RYR2: variants seen among roughly 807,000 people sequenced by gnomAD.
RYR2 encodes the protein cardiac muscle ryanodine receptor-calcium release channel.
Under a neutral mutation model 601.1 loss-of-function variants are expected in RYR2, and 227 were observed. The observed-to-expected ratio is 0.38, with a 90% confidence interval of 0.34 to 0.42. The LOEUF (loss-of-function observed/expected upper bound fraction) is 0.42, where lower values mean the gene tolerates loss of function less well. RYR2 is among the 10% of genes least tolerant of loss of function. The pLI is 1.00. For missense variants in RYR2, 4,646 were observed against 6,156.5 expected, an observed-to-expected ratio of 0.75 and a Z score of 8.21; for synonymous variants, 2,223 against 2,175.1, an observed-to-expected ratio of 1.02 and a Z score of -0.61.
intron 3 of RYR2, among the ~76,000 whole-genome samples, chr1:237,339,470 G>T (rs1000559204): frequency 6.6e-6 from 1 of 152,058 alleles, no homozygotes; most frequent in East Asian, 1.9e-4. Context: ...AAATAAAAAT[G>T]CCCTCTTCAT....
chr1:237,563,607 A>G (rs1479984613), intron 27 of RYR2, among the ~76,000 whole-genome samples: 1 of 152,134 alleles, frequency 6.6e-6, no homozygotes, highest in Admixed American at 6.6e-5. Context: ...ATTAGGACTC[A>G]GAAACTCTGC....
At chr1:237,143,316 A>G (rs375756835) in intron 1 of RYR2, among the ~76,000 whole-genome samples, 16 of 152,142 alleles carry the variant, frequency 1.1e-4, no homozygotes, top group African/African-American at 3.6e-4. Context: ...TCCCGCCTGT[A>G]TCTCTGATCT....
intron 17 of RYR2, among the ~76,000 whole-genome samples, chr1:237,480,346 G>T (rs1572518304): frequency 7.0e-6 from 1 of 143,074 alleles, no homozygotes; most frequent in East Asian, 2.1e-4. Context: ...TTAAGCCTGG[G>T]AGGCAGAGGC....
chr1:237,582,365 C>A (rs1233639085), intron 29 of RYR2, among the ~76,000 whole-genome samples: 1 of 151,536 alleles, frequency 6.6e-6, no homozygotes, highest in Non-Finnish European at 1.5e-5. Flanking sequence ...CCACCTTGGC[C>A]TCCCAAAATG....
chr1:237,322,469 C>T (rs923983320), intron 2 of RYR2, among the ~76,000 whole-genome samples: 1 of 152,096 alleles, frequency 6.6e-6, no homozygotes, highest in Non-Finnish European at 1.5e-5. Context: ...AGGTCATATT[C>T]CAGACAATTA....
chr1:237,281,073 C>G (rs1342271502), intron 2 of RYR2, among the ~76,000 whole-genome samples: 1 of 152,188 alleles, frequency 6.6e-6, no homozygotes, highest in East Asian at 1.9e-4. Flanking sequence ...GCATGAGCCA[C>G]CACGCCTGGC....
chr1:237,790,376 C>T (rs1364525812), intron 92 of RYR2, among the ~76,000 whole-genome samples: 2 of 152,028 alleles, frequency 1.3e-5, no homozygotes, highest in Non-Finnish European at 2.9e-5. Context: ...AAGTCCAATC[C>T]ACCACCATGA....
chr1:237,346,239 T>C (rs1231241197), intron 3 of RYR2, among the ~76,000 whole-genome samples: 1 of 151,852 alleles, frequency 6.6e-6, no homozygotes, highest in Non-Finnish European at 1.5e-5. Context: ...TGGTGCAACG[T>C]GCCTGTAGTC....
intron 38 of RYR2, among the ~76,000 whole-genome samples, chr1:237,618,631 G>C (rs1678746366): frequency 6.6e-6 from 1 of 152,146 alleles, no homozygotes; most frequent in African/African-American, 2.4e-5. Flanking sequence ...GATCAGGGAA[G>C]GGGCAGCTTA....
intron 35 of RYR2, among the ~76,000 whole-genome samples, chr1:237,608,804 T>TG (rs1367117893): frequency 4.6e-3 from 571 of 124,694 alleles, no homozygotes; most frequent in Non-Finnish European, 6.2e-3. Context: ...CTGTTTTTTT[T>TG]TTTTTTTTTT....
intron 91 of RYR2, among the ~76,000 whole-genome samples, chr1:237,787,597 CAAAAAAAAAAAA>C (rs778668137): frequency 6.6e-5 from 4 of 60,396 alleles, no homozygotes; most frequent in African/African-American, 1.8e-4. Flanking sequence ...GTCTCAAAAA[CAAAAAAAAAAAA>C]AAAAAAAAAG....
At chr1:237,075,319 G>T (rs1220302704) in intron 1 of RYR2, among the ~76,000 whole-genome samples, 5 of 151,336 alleles carry the variant, frequency 3.3e-5, no homozygotes, top group African/African-American at 1.2e-4. Flanking sequence ...CTCCCAGCGT[G>T]AGCGACGCAG....
intron 24 of RYR2, among the ~76,000 whole-genome samples, chr1:237,528,278 A>C (rs529690126): frequency 1.3e-5 from 2 of 152,166 alleles, no homozygotes; most frequent in East Asian, 3.8e-4. Context: ...TTGTTATAAT[A>C]GTTCTATTTT....
chr1:237,251,228 A>G (rs1687433144), intron 1 of RYR2, among the ~76,000 whole-genome samples: 1 of 151,894 alleles, frequency 6.6e-6, no homozygotes, highest in Non-Finnish European at 1.5e-5. Context: ...CTACTATACC[A>G]TTTCTTTGCT....
In RYR2 at chr1:237,809,940, A is replaced by G. The variant is rs541984923; in HGVS notation, c.14433+905A>G. On this transcript the variant is annotated intron_variant, in intron 100 of 104. Coordinates refer to ENST00000366574, the MANE Select transcript of RYR2 (RefSeq NM_001035.3). Reference sequence around the variant, plus strand: ...AATGAAAAATAATTTAATAAATGACATTAGTACCATGGACAAGCTATTTGG... The same window carrying G: ...AATGAAAAATAATTTAATAAATGACGTTAGTACCATGGACAAGCTATTTGG... Among the ~76,000 whole-genome samples, 5 of 152,292 alleles carry G rather than the reference A, an allele frequency of 3.3e-5. No homozygotes were observed. In the South Asian group the frequency reaches 1.0e-3, roughly 32 times the overall value.
At chr1:237,107,446 A>G (rs969826963) in intron 1 of RYR2, among the ~76,000 whole-genome samples, 4 of 134,044 alleles carry the variant, frequency 3.0e-5, no homozygotes, top group South Asian at 2.6e-4. Flanking sequence ...GCGTGAACCC[A>G]GAGGTGGAGT....
intron 2 of RYR2, among the ~76,000 whole-genome samples, chr1:237,311,972 A>G (rs1475619017): frequency 1.3e-5 from 2 of 152,178 alleles, no homozygotes; most frequent in Non-Finnish European, 2.9e-5. Context: ...ACATTGCTGA[A>G]TATGTGAAAG....
chr1:237,368,914 C>G (rs1303496601), intron 5 of RYR2, among the ~76,000 whole-genome samples: 2 of 152,024 alleles, frequency 1.3e-5, no homozygotes, highest in Non-Finnish European at 2.9e-5. Flanking sequence ...ACCTCCACCT[C>G]CCGGGTTCAA....
intron 2 of RYR2, among the ~76,000 whole-genome samples, chr1:237,324,464 G>T (rs1238644913): frequency 6.6e-6 from 1 of 152,130 alleles, no homozygotes; most frequent in Non-Finnish European, 1.5e-5. Flanking sequence ...CAGACCATCT[G>T]CTCTGTTTTA....
Sources: gnomAD v4.1 joint callset for allele counts (sites outside exome capture counted in the v4.1 genomes callset) on GRCh38, gnomAD v4.1.1 for gene constraint, MANE v1.5 for transcripts, NCBI Gene and HGNC (gene_info 2026-07-23, HGNC 2026-07-21) for gene names.